Variants in PREX1 observed in about 807,000 individuals in gnomAD.
PREX1 encodes phosphatidylinositol-3,4,5-trisphosphate dependent Rac exchange factor 1, also known as phosphatidylinositol 3,4,5-trisphosphate-dependent Rac exchanger 1 protein.
PREX1 carries 41 observed loss-of-function variants against 198.3 expected under a neutral mutation model. That is an observed-to-expected ratio of 0.21 (90% confidence interval 0.16 to 0.27). PREX1 has a LOEUF of 0.27. Ranked by LOEUF, PREX1 falls within the 10% of genes least tolerant of loss-of-function variation. The probability of loss-of-function intolerance (pLI) is 1.00; values close to 1 mark genes in which losing one functional copy is unlikely to be tolerated. For synonymous variants in PREX1, 843 were observed against 887.2 expected (o/e 0.95, Z 0.89); for missense variants, 1,620 against 2,200.7 (o/e 0.74, Z 5.28).
At position 48,679,758 on chromosome 20, in the gene PREX1, G is replaced by C; in HGVS notation, c.1436-4C>G. 6.2e-7 allele frequency: 1 copy of C among 1,603,774 alleles called. No individual in the cohort carries two copies. The highest frequency in any genetic ancestry group is 1.1e-5 in the South Asian group (1 of 90,870). ...TTGAACTGGTGCTTGTCGGAAACTG[G>C]AGAGACAGGAGGACCTGTGACGCTG... On this transcript the variant is annotated splice_polypyrimidine_tract_variant and splice_region_variant and intron_variant, in intron 11 of 39. Transcript: ENST00000371941.
chr20:48,822,176 T>C (rs563765270), intron 1 of PREX1: 2 of 152,350 alleles, frequency 1.3e-5, no homozygotes, highest in African/African-American at 2.4e-5. Flanking sequence ...GACTTCCTGA[T>C]GATGATGAGC....
the PREX1 span, among the ~76,000 whole-genome samples, chr20:48,851,141 A>G: frequency 4.6e-5 from 7 of 152,234 alleles, no homozygotes; most frequent in Non-Finnish European, 1.0e-4. Context: ...GTGACAGACC[A>G]TGGGTCCTGC....
chr20:48,683,575 A>C (rs1044965472), intron 10 of PREX1, among the ~76,000 whole-genome samples: 2 of 152,178 alleles, frequency 1.3e-5, no homozygotes, highest in Non-Finnish European at 1.5e-5. Flanking sequence ...TCAAACTTGT[A>C]AATAGGCAAA....
intron 1 of PREX1, among the ~76,000 whole-genome samples, chr20:48,759,902 C>G (rs1478912163): frequency 6.6e-6 from 1 of 151,980 alleles, no homozygotes; most frequent in Admixed American, 6.6e-5. Context: ...CCCAGGAGTT[C>G]GAGCAATCAA....
At chr20:48,820,474 G>C (rs1399408329) in intron 1 of PREX1, among the ~76,000 whole-genome samples, 1 of 152,214 alleles carries the variant, frequency 6.6e-6, no homozygotes, top group Non-Finnish European at 1.5e-5. Flanking sequence ...AAGAGAGGGA[G>C]CCTCCCAGAC....
chr20:48,771,449 C>A (rs768037042), intron 1 of PREX1, among the ~76,000 whole-genome samples: 5 of 151,852 alleles, frequency 3.3e-5, no homozygotes, highest in Admixed American at 1.3e-4. Context: ...GGGTTTGCAC[C>A]AATTTATTGC....
chr20:48,867,776 CAGAG>C, the PREX1 span, among the ~76,000 whole-genome samples: 3 of 151,858 alleles, frequency 2.0e-5, no homozygotes, highest in African/African-American at 7.3e-5. Context: ...GCCTGGGTGA[CAGAG>C]TGAGACTCTG....
chr20:48,861,081 A>T, the PREX1 span, among the ~76,000 whole-genome samples: 2 of 152,220 alleles, frequency 1.3e-5, no homozygotes, highest in African/African-American at 4.8e-5. Context: ...GGCCCCCAGC[A>T]GCATTGCAGT....
chr20:48,862,790 A>AAAT, the PREX1 span, among the ~76,000 whole-genome samples: 458 of 102,544 alleles, frequency 4.5e-3, 10 homozygotes, highest in African/African-American at 0.018. Flanking sequence ...TAAAAAAAAA[A>AAAT]ATATATATAT....
At chr20:48,887,101 G>A in the PREX1 span, among the ~76,000 whole-genome samples, 1 of 152,184 alleles carries the variant, frequency 6.6e-6, no homozygotes, top group Non-Finnish European at 1.5e-5. Flanking sequence ...TTTGCCCAAA[G>A]TTGCATGATA....
chr20:48,844,028 T>A, the PREX1 span, among the ~76,000 whole-genome samples: 1 of 152,100 alleles, frequency 6.6e-6, no homozygotes, highest in Admixed American at 6.6e-5. Context: ...TAGTCCCAGC[T>A]ACTTGAGAGG....
chr20:48,887,532 A>T, the PREX1 span, among the ~76,000 whole-genome samples: 1 of 152,356 alleles, frequency 6.6e-6, no homozygotes, highest in East Asian at 1.9e-4. Context: ...AGGCTGAAAG[A>T]CAGCTTGAGC....
At chr20:48,717,497 T>TA (rs75263542) in intron 5 of PREX1, among the ~76,000 whole-genome samples, 56 of 139,204 alleles carry the variant, frequency 4.0e-4, no homozygotes, top group East Asian at 6.3e-4. Flanking sequence ...ACCACCACTT[T>TA]AAAAAAAAAA....
chr20:48,747,944 C>A (rs2090116916), intron 1 of PREX1, 64 bp from the exon 2 acceptor site: 9 of 1,456,130 alleles, frequency 6.2e-6, no homozygotes, highest in African/African-American at 1.4e-5. Context: ...GACGGCCCTA[C>A]AGAAGGCTCT....
intron 1 of PREX1, among the ~76,000 whole-genome samples, chr20:48,798,027 C>A (rs2090370960): frequency 6.6e-6 from 1 of 152,198 alleles, no homozygotes; most frequent in Non-Finnish European, 1.5e-5. Flanking sequence ...TCATCTGTAA[C>A]CTTTAAGGGT....
At chr20:48,795,004 C>A (rs2090354784) in intron 1 of PREX1, among the ~76,000 whole-genome samples, 1 of 152,116 alleles carries the variant, frequency 6.6e-6, no homozygotes, top group Non-Finnish European at 1.5e-5. Flanking sequence ...CAAAATGTCA[C>A]CAAAAGTCAG....
intron 19 of PREX1, among the ~76,000 whole-genome samples, chr20:48,654,903 G>T (rs1358671579): frequency 6.6e-6 from 1 of 152,244 alleles, no homozygotes; most frequent in East Asian, 1.9e-4. Context: ...TCCGGCCATA[G>T]AAGTATTGCG....
At position 48,826,136 on chromosome 20, in the gene PREX1, T is replaced by TCC. The variant is rs140373037; in HGVS notation, c.219+1504_219+1505dup. On this transcript the variant is annotated intron_variant, in intron 1 of 39. Coordinates refer to ENST00000371941, the MANE Select transcript of PREX1 (RefSeq NM_020820.4). ...AGGAGCCCCAGAGGACCCCAGAGTCTCCCTCTTTCTCCCAAAGACTAGGAG... is the reference window on the plus strand; with the variant it reads ...AGGAGCCCCAGAGGACCCCAGAGTCTCCCCCTCTTTCTCCCAAAGACTAGGAG... Among the ~76,000 whole-genome samples the TCC allele has an allele frequency of 6.3e-3, 958 of 151,478 alleles. 12 individuals carry two copies. The highest frequency in any genetic ancestry group is 0.021 in the African/African-American group (869 of 41,250).
intron 1 of PREX1, among the ~76,000 whole-genome samples, chr20:48,796,561 CTG>C (rs1166454424): frequency 2.0e-5 from 3 of 151,778 alleles, no homozygotes; most frequent in African/African-American, 4.8e-5. Flanking sequence ...TTCTATCTCA[CTG>C]TATGCTTTTT....
Sources: allele counts gnomAD v4.1 joint callset (sites outside exome capture counted in the v4.1 genomes callset), GRCh38; gene constraint gnomAD v4.1.1; transcripts MANE v1.5; gene names NCBI Gene and HGNC (gene_info 2026-07-23, HGNC 2026-07-21).